LOXL2: variants seen among roughly 807,000 people sequenced by gnomAD.
LOXL2 encodes lysyl oxidase like 2, also known as lysyl oxidase homolog 2.
A neutral mutation model predicts 93.0 loss-of-function variants in LOXL2; 70 were observed. The ratio of observed to expected loss-of-function variants is 0.75; its 90% CI spans 0.62 to 0.92. The LOEUF is 0.92. Ranked by LOEUF, LOXL2 falls within the 40% of genes least tolerant of loss-of-function variation. LOXL2 has a pLI of 0.00. For missense variants in LOXL2, 973 were observed against 1,054.9 expected, an observed-to-expected ratio of 0.92 and a Z score of 1.08; for synonymous variants, 438 against 413.2, an observed-to-expected ratio of 1.06 and a Z score of -0.73.
chr8:23,355,623 T>C (rs953440219), intron 3 of LOXL2, among the ~76,000 whole-genome samples: 1 of 150,988 alleles, frequency 6.6e-6, no homozygotes, highest in African/African-American at 2.4e-5. Flanking sequence ...TTTTTTTTTT[T>C]TGAGACAGGG....
chr8:23,385,144 G>T (rs56190204), intron 1 of LOXL2, among the ~76,000 whole-genome samples: 22,269 of 151,808 alleles, frequency 0.15, 1,631 homozygotes, highest in East Asian at 0.22. Flanking sequence ...CCCCCGTCCT[G>T]TTCGAACAGG....
chr8:23,386,094 A>G (rs1235331692), intron 1 of LOXL2: 1 of 763,314 alleles, frequency 1.3e-6, no homozygotes, highest in Non-Finnish European at 2.4e-6. Context: ...TCCTATAGTC[A>G]CACTGCTAAA....
At chr8:23,399,997 CCT>C (rs1199951915) in intron 1 of LOXL2, among the ~76,000 whole-genome samples, 46 of 152,320 alleles carry the variant, frequency 3.0e-4, no homozygotes, top group African/African-American at 1.1e-3. Context: ...CTGTTCATTC[CCT>C]GTTTCAAAGC....
intron 1 of LOXL2, among the ~76,000 whole-genome samples, chr8:23,392,502 G>A (rs951394196): frequency 6.6e-6 from 1 of 152,152 alleles, no homozygotes; most frequent in African/African-American, 2.4e-5. Flanking sequence ...AAGCTGATCA[G>A]TTTCATTGGT....
chr8:23,348,884 A>AC (rs1554480203), intron 3 of LOXL2, among the ~76,000 whole-genome samples: 1 of 151,742 alleles, frequency 6.6e-6, no homozygotes, highest in African/African-American at 2.4e-5. Flanking sequence ...CTCAAAAAAA[A>AC]CAAAACAAAC....
chr8:23,319,643 C>G (rs114314219), intron 8 of LOXL2, among the ~76,000 whole-genome samples: 3 of 152,098 alleles, frequency 2.0e-5, no homozygotes, highest in African/African-American at 7.2e-5. Context: ...AAAGCAGAGC[C>G]CAGCCCCTCG....
At chr8:23,307,177 G>A (rs1026490815) in intron 10 of LOXL2, among the ~76,000 whole-genome samples, 1 of 152,168 alleles carries the variant, frequency 6.6e-6, no homozygotes, top group African/African-American at 2.4e-5. Flanking sequence ...GTTTTGAGGA[G>A]AGGAAGGGCC....
intron 2 of LOXL2, among the ~76,000 whole-genome samples, chr8:23,367,435 C>A (rs1422947188): frequency 6.6e-6 from 1 of 152,164 alleles, no homozygotes; most frequent in East Asian, 1.9e-4. Flanking sequence ...GTGAAAAACC[C>A]AAAGCATCTG....
At chr8:23,320,459 T>A (rs1007540088) in intron 7 of LOXL2, among the ~76,000 whole-genome samples, 5 of 152,202 alleles carry the variant, frequency 3.3e-5, no homozygotes, top group African/African-American at 1.2e-4. Flanking sequence ...GCCACTGGCA[T>A]CTTGTCCCAT....
intron 1 of LOXL2, among the ~76,000 whole-genome samples, chr8:23,394,210 T>C (rs565701559): frequency 1.3e-5 from 2 of 152,162 alleles, no homozygotes; most frequent in African/African-American, 2.4e-5. Context: ...CTGGCCAACA[T>C]GGTGAAACCT....
At chr8:23,390,930 TGGTGGAA>T (rs1051561772) in intron 1 of LOXL2, among the ~76,000 whole-genome samples, 16 of 151,654 alleles carry the variant, frequency 1.1e-4, no homozygotes, top group African/African-American at 2.7e-4. Flanking sequence ...CTCACAATCA[TGGTGGAA>T]GGTGAAAGGT....
chr8:23,383,678 T>A (rs1295436025), intron 1 of LOXL2, among the ~76,000 whole-genome samples: 2 of 133,254 alleles, frequency 1.5e-5, no homozygotes, highest in African/African-American at 3.0e-5. Context: ...TTTTTTTTTT[T>A]GAGACAGAGT....
chr8:23,388,421 A>AT (rs1014676764), intron 1 of LOXL2, among the ~76,000 whole-genome samples: 5 of 149,606 alleles, frequency 3.3e-5, no homozygotes, highest in Admixed American at 1.3e-4. Context: ...CTACAAAAAA[A>AT]TTTTTTTTTT....
intron 3 of LOXL2, among the ~76,000 whole-genome samples, chr8:23,349,587 T>C (rs1050371041): frequency 6.6e-6 from 1 of 151,586 alleles, no homozygotes; most frequent in African/African-American, 2.4e-5. Flanking sequence ...ACACGTTTGA[T>C]TTCTTCTTTA....
intron 1 of LOXL2, among the ~76,000 whole-genome samples, chr8:23,390,234 G>A (rs775488969): frequency 2.0e-5 from 3 of 152,140 alleles, no homozygotes; most frequent in African/African-American, 4.8e-5. Flanking sequence ...CTGGCCCCAC[G>A]GGGAACACAT....
chr8:23,334,228 G>A (rs758457378), intron 4 of LOXL2, among the ~76,000 whole-genome samples: 1 of 152,098 alleles, frequency 6.6e-6, no homozygotes, highest in East Asian at 1.9e-4. Flanking sequence ...TAGTAGAGAC[G>A]GGGTTTCGCC....
intron 6 of LOXL2, 150 bp downstream of exon 6, chr8:23,328,232 A>C: frequency 1.3e-6 from 1 of 772,616 alleles, no homozygotes; most frequent in Non-Finnish European, 2.1e-6. Context: ...AACTCTGTCT[A>C]GGGAGAGGCC....
chr8:23,363,997 C>A (rs1804350577), intron 2 of LOXL2: 2 of 152,326 alleles, frequency 1.3e-5, no homozygotes, highest in African/African-American at 4.8e-5. Context: ...ACCTCAGCCT[C>A]CCAAGTAGCT....
intron 8 of LOXL2, 44 bp downstream of exon 8, chr8:23,319,841 C>T: frequency 6.3e-7 from 1 of 1,596,590 alleles, no homozygotes. Context: ...TGTGGTCAGA[C>T]TGCATGGGGG....
Sources: allele counts gnomAD v4.1 joint callset (sites outside exome capture counted in the v4.1 genomes callset), GRCh38; gene constraint gnomAD v4.1.1; transcripts MANE v1.5; gene names NCBI Gene and HGNC (gene_info 2026-07-23, HGNC 2026-07-21).